GTF3C6: variants seen among roughly 807,000 people sequenced by gnomAD.
GTF3C6 encodes the protein general transcription factor IIIC subunit 6, also known as general transcription factor 3C polypeptide 6.
A neutral mutation model predicts 19.2 loss-of-function variants in GTF3C6; 11 were observed. That is an observed-to-expected ratio of 0.57 (90% CI 0.36 to 0.95). GTF3C6 has a LOEUF of 0.95. Among genes scored for constraint, GTF3C6 ranks in the 40% least tolerant of loss-of-function variants. The pLI, the probability that GTF3C6 is intolerant of heterozygous loss-of-function variation, is 0.01. For missense variants in GTF3C6, 222 were observed against 254.7 expected (o/e 0.87, Z 0.87); for synonymous variants, 87 against 84.2 (o/e 1.03, Z -0.18).
At chr6:110,967,429 A>C in intron 5 of GTF3C6, 81 bp from the exon 6 acceptor site, 1 of 1,261,126 alleles carries the variant, frequency 7.9e-7, no homozygotes, top group Non-Finnish European at 1.1e-6. Context: ...TTCATAGGAT[A>C]GAAATTTAAA....
rs1448621152 is a variant in GTF3C6, at chr6:110,967,649, G to A, written c.501G>A (p.Glu167=). Residue 167 remains glutamate, a synonymous_variant, in exon 6 of 6, where the codon GAG becomes GAA. Coordinates refer to ENST00000329970, the MANE Select transcript of GTF3C6 (RefSeq NM_138408.4). ...AATCTTTGGAATTGGAAGAGGAAGAGATTCAAATGAACGACAGTTCAAACC... is the reference window on the plus strand; with the variant it reads ...AATCTTTGGAATTGGAAGAGGAAGAAATTCAAATGAACGACAGTTCAAACC... ...PDKSLELEEE[E]IQMNDSSNLS... 6.2e-7 allele frequency: 1 copy of A among 1,614,132 alleles called. No homozygotes were observed. Among genetic ancestry groups the A allele is most frequent in the Non-Finnish European group, 8.5e-7 (1 of 1,180,010 alleles).
intron 5 of GTF3C6, among the ~76,000 whole-genome samples, chr6:110,966,774 T>G (rs150531631): frequency 2.4e-4 from 37 of 152,274 alleles, no homozygotes; most frequent in African/African-American, 8.9e-4. Context: ...AAGGAAAGCT[T>G]CAAGATTTTG....
chr6:110,965,288 T>C (rs1771216895), intron 5 of GTF3C6, among the ~76,000 whole-genome samples: 1 of 152,120 alleles, frequency 6.6e-6, no homozygotes. Context: ...CTTATTCTTC[T>C]TCACTTGCTA....
At chr6:110,964,855 C>T (rs1209096516) in intron 5 of GTF3C6, among the ~76,000 whole-genome samples, 2 of 142,946 alleles carry the variant, frequency 1.4e-5, no homozygotes, top group African/African-American at 2.6e-5. Context: ...TTTTTGGAGA[C>T]GAATTTCGCT....
At chr6:110,959,056 C>T (rs368684821) in intron 1 of GTF3C6, 116 bp from the exon 2 acceptor site, 8 of 889,866 alleles carry the variant, frequency 9.0e-6, no homozygotes, top group Non-Finnish European at 1.9e-6. Context: ...GCGTAGTTTC[C>T]TCTTGCTGAA....
intron 2 of GTF3C6, among the ~76,000 whole-genome samples, chr6:110,959,599 G>A (rs1771131967): frequency 6.6e-6 from 1 of 151,970 alleles, no homozygotes; most frequent in African/African-American, 2.4e-5. Context: ...AGAGGTGGGA[G>A]GATCACTTGA....
chr6:110,962,435 C>T lies in GTF3C6; in HGVS notation c.291C>T (p.Cys97=), dbSNP rs747444111. The change falls in exon 5 of 6, where the codon TGC becomes TGT. Residue 97 remains cysteine (C), a synonymous_variant. Coordinates refer to ENST00000329970, the MANE Select transcript of GTF3C6 (RefSeq NM_138408.4). ...GNNKTVLKYK[C]HTMKKLSMTR... ...ATAAAACAGTGCTAAAATATAAATG[C>T]CATACAATGAAGAAGCTCAGCATGA... 2.5e-6 allele frequency: 4 copies of T among 1,611,062 alleles called. No individual in the cohort carries two copies. Among genetic ancestry groups the T allele is most frequent in the South Asian group, 2.2e-5 (2 of 90,994 alleles).
intron 2 of GTF3C6, among the ~76,000 whole-genome samples, chr6:110,959,773 C>T (rs982002073): frequency 6.6e-6 from 1 of 152,130 alleles, no homozygotes; most frequent in Non-Finnish European, 1.5e-5. Flanking sequence ...GCCTGGCCAA[C>T]ATGGTGTAAC....
chr6:110,964,361 C>T (rs1374625677), intron 5 of GTF3C6, among the ~76,000 whole-genome samples: 1 of 151,968 alleles, frequency 6.6e-6, no homozygotes, highest in African/African-American at 2.4e-5. Flanking sequence ...TCTCCTGCCT[C>T]ACCCTCCTGA....
At chr6:110,958,878 C>T in intron 1 of GTF3C6, 52 bp downstream of exon 1, 3 of 1,529,260 alleles carry the variant, frequency 2.0e-6, no homozygotes, top group Admixed American at 2.0e-5. Context: ...GATGCCTGTG[C>T]TGGCTGTGTG....
chr6:110,965,661 A>G (rs1029641948), intron 5 of GTF3C6, among the ~76,000 whole-genome samples: 2 of 152,202 alleles, frequency 1.3e-5, no homozygotes, highest in African/African-American at 2.4e-5. Context: ...AAGCTTAGCT[A>G]TCATTGGGAT....
intron 2 of GTF3C6, 88 bp downstream of exon 2, chr6:110,959,340 G>A (rs1771128405): frequency 2.5e-6 from 2 of 793,084 alleles, no homozygotes; most frequent in African/African-American, 3.5e-5. Context: ...CGCAAGTATT[G>A]ATATATTTAT....
intron 5 of GTF3C6, among the ~76,000 whole-genome samples, chr6:110,965,805 A>G (rs1173014775): frequency 6.6e-6 from 1 of 152,234 alleles, no homozygotes; most frequent in Non-Finnish European, 1.5e-5. Flanking sequence ...CTACTGCTGC[A>G]TAACAAATTA....
chr6:110,962,345 A>G (rs1271610658), intron 4 of GTF3C6, 47 bp from the exon 5 acceptor site: 1 of 1,001,992 alleles, frequency 1.0e-6, no homozygotes. Flanking sequence ...TCTTTGTTTT[A>G]TTTGATGGCA....
At chr6:110,959,064 G>A in intron 1 of GTF3C6, 108 bp from the exon 2 acceptor site, 3 of 920,312 alleles carry the variant, frequency 3.3e-6, no homozygotes, top group Admixed American at 2.0e-5. Context: ...TCCTCTTGCT[G>A]AAAACAGGGT....
intron 2 of GTF3C6, 52 bp downstream of exon 2, chr6:110,959,304 CAAG>C: frequency 9.0e-7 from 1 of 1,108,984 alleles, no homozygotes; most frequent in Non-Finnish European, 1.4e-6. Flanking sequence ...AAATGTAAAA[CAAG>C]AATCAATGGT....
At position 110,962,848 on chromosome 6, in the gene GTF3C6, G is replaced by A. The variant is rs563104027; in HGVS notation, c.361+343G>A. Among the ~76,000 whole-genome samples, 6 of 151,990 alleles carry A rather than the reference G, an allele frequency of 3.9e-5. No individual in the cohort carries two copies. The East Asian group carries it at 9.7e-4, about 24-fold the overall frequency. On this transcript the variant is annotated intron_variant, in intron 5 of 5. Transcript: ENST00000329970. The stretch of plus-strand genomic sequence containing the variant: ...GGCCGGAGTGCAGTGTCGCGATCTC[G>A]GCTCACTGCAACCTCCGCCTCCCGG...
intron 2 of GTF3C6, among the ~76,000 whole-genome samples, chr6:110,959,831 C>T (rs1418113008): frequency 1.3e-5 from 2 of 152,064 alleles, no homozygotes; most frequent in Non-Finnish European, 2.9e-5. Context: ...GTGGTGGGCG[C>T]CTGTAATCCC....
intron 4 of GTF3C6, among the ~76,000 whole-genome samples, chr6:110,960,828 G>A (rs879716360): frequency 3.0e-4 from 45 of 151,846 alleles, no homozygotes; most frequent in Admixed American, 7.2e-4. Flanking sequence ...AGGCAGGCAG[G>A]TTACTTGAGG....
Sources: allele counts gnomAD v4.1 joint callset (sites outside exome capture counted in the v4.1 genomes callset), GRCh38; gene constraint gnomAD v4.1.1; transcripts MANE v1.5; gene names NCBI Gene and HGNC (gene_info 2026-07-23, HGNC 2026-07-21).